RCN1: variants seen among roughly 807,000 people sequenced by gnomAD.
RCN1 encodes reticulocalbin 1.
In RCN1, 14 loss-of-function variants were observed where a neutral mutation model predicts 34.7. The ratio of observed to expected loss-of-function variants is 0.40; its 90% CI spans 0.27 to 0.63. RCN1 has a LOEUF of 0.63. RCN1 is among the 30% of genes least tolerant of loss of function. The probability of loss-of-function intolerance (pLI) is 0.37; values close to 1 mark genes in which losing one functional copy is unlikely to be tolerated. For missense variants in RCN1, 326 were observed against 425.1 expected (o/e 0.77, Z 2.05); for synonymous variants, 125 against 165.5 (o/e 0.76, Z 1.88).
chr11:32,101,491 T>G (rs1852042335), intron 4 of RCN1, among the ~76,000 whole-genome samples: 1 of 152,242 alleles, frequency 6.6e-6, no homozygotes, highest in South Asian at 2.1e-4. Context: ...TACCTTTAAA[T>G]GTAAAACTCA....
At chr11:32,104,209 A>G (rs72904117) in intron 5 of RCN1, among the ~76,000 whole-genome samples, 156 bp from the exon 6 acceptor site, 2,415 of 152,318 alleles carry the variant, frequency 0.016, 26 homozygotes, top group African/African-American at 0.026. Context: ...GAGTTTTGCA[A>G]TGCAGTCATG....
intron 1 of RCN1, among the ~76,000 whole-genome samples, chr11:32,094,716 C>T (rs1424660486): frequency 6.6e-6 from 1 of 152,204 alleles, no homozygotes; most frequent in Non-Finnish European, 1.5e-5. Flanking sequence ...CTCCTTTATT[C>T]CTCACAACAT....
chr11:32,091,378 A>T lies in RCN1; in HGVS notation c.182A>T (p.Glu61Val), dbSNP rs971634786. ...EDNQSFQYDH[E>V]AFLGKEDSKT... is the part of the protein sequence containing the mutation. ...AACCAGAGCTTCCAGTACGACCACG[A>T]GGCCTTCCTGGGCAAGGAGGACTCC... is the stretch of plus-strand genomic sequence containing the variant. The change falls in exon 1 of 6, where the codon GAG (glutamate) becomes GTG (valine). Residue 61 changes from glutamate to valine, a missense_variant. By Grantham distance (121) the Glu-to-Val change is moderately radical. Coordinates refer to ENST00000054950, the MANE Select transcript of RCN1 (RefSeq NM_002901.4). The T allele has an allele frequency of 4.5e-6, 7 of 1,549,344 alleles. No individual in the cohort carries two copies. The highest frequency in any genetic ancestry group is 6.1e-6 in the Non-Finnish European group (7 of 1,146,288).
intron 2 of RCN1, among the ~76,000 whole-genome samples, 163 bp downstream of exon 2, chr11:32,097,500 T>C (rs1439397947): frequency 6.6e-6 from 1 of 152,124 alleles, no homozygotes; most frequent in Non-Finnish European, 1.5e-5. Flanking sequence ...CAGAATGTAC[T>C]GAGTTGCTTA....
chr11:32,100,484 A>G, intron 3 of RCN1, 64 bp from the exon 4 acceptor site: 1 of 1,324,842 alleles, frequency 7.5e-7, no homozygotes, highest in East Asian at 2.3e-5. Flanking sequence ...TGAGGACAAT[A>G]GAATTCTCAG....
chr11:32,095,591 G>C (rs998047225), intron 1 of RCN1, among the ~76,000 whole-genome samples: 10 of 152,112 alleles, frequency 6.6e-5, no homozygotes, highest in Non-Finnish European at 1.3e-4. Flanking sequence ...TGTATTTTTA[G>C]TAGAGACGGG....
intron 1 of RCN1, among the ~76,000 whole-genome samples, chr11:32,095,214 G>A (rs1340067032): frequency 6.6e-6 from 1 of 151,540 alleles, no homozygotes; most frequent in Non-Finnish European, 1.5e-5. Context: ...GGGGGAAGAA[G>A]CCTGAAGACA....
intron 3 of RCN1, among the ~76,000 whole-genome samples, chr11:32,099,406 A>G (rs1313022912): frequency 6.6e-6 from 1 of 152,242 alleles, no homozygotes; most frequent in Non-Finnish European, 1.5e-5. Context: ...GGACTTGGAA[A>G]AAGACTCAGA....
rs1851997053 is a variant in RCN1, at chr11:32,098,390, C to G, written c.489C>G (p.Thr163=). Residue 163 remains threonine (T), a synonymous_variant, in exon 3 of 6, where the codon ACC becomes ACG. Transcript: ENST00000054950. ...TTCATGATTCTTCAGATCATCACAC[C>G]TTTAAAAAGATGCTGCCACGTGATG... The part of the protein sequence containing the change: ...AEFHDSSDHH[T]FKKMLPRDER... 1.9e-6 allele frequency: 3 copies of G among 1,613,740 alleles called. No homozygotes were observed. In the East Asian group the frequency reaches 6.7e-5, roughly 36 times the overall value.
chr11:32,092,869 G>T (rs1851937335), intron 1 of RCN1, among the ~76,000 whole-genome samples: 1 of 152,208 alleles, frequency 6.6e-6, no homozygotes, highest in South Asian at 2.1e-4. Flanking sequence ...TGTTTCATTG[G>T]AATATGAGGA....
chr11:32,099,377 C>T (rs1243080615), intron 3 of RCN1, among the ~76,000 whole-genome samples: 1 of 151,914 alleles, frequency 6.6e-6, no homozygotes, highest in Non-Finnish European at 1.5e-5. Context: ...TAGTCTCTGC[C>T]CCATTTTTCA....
intron 2 of RCN1, among the ~76,000 whole-genome samples, chr11:32,097,958 C>T (rs996429258): frequency 2.0e-5 from 3 of 152,168 alleles, no homozygotes; most frequent in Non-Finnish European, 4.4e-5. Flanking sequence ...GATGCACTCA[C>T]GCGGCCAGAA....
chr11:32,100,387 G>A (rs1012852922), intron 3 of RCN1, 161 bp from the exon 4 acceptor site: 9 of 628,520 alleles, frequency 1.4e-5, no homozygotes, highest in Admixed American at 5.3e-5. Flanking sequence ...ACTATTGCCT[G>A]TTTTTTACAG....
intron 2 of RCN1, 47 bp downstream of exon 2, chr11:32,097,384 A>C: frequency 7.3e-7 from 1 of 1,365,090 alleles, no homozygotes; most frequent in Non-Finnish European, 9.8e-7. Flanking sequence ...CCCAGATCAC[A>C]AGCTTTTTGT....
chr11:32,097,599 CAGATGCACACACGG>C (rs1252203973), intron 2 of RCN1, among the ~76,000 whole-genome samples: 1 of 152,158 alleles, frequency 6.6e-6, no homozygotes, highest in Non-Finnish European at 1.5e-5. Context: ...AACTTCGTCT[CAGATGCACACACGG>C]AGAAGAAAGC....
rs1851997668 is a variant in RCN1, at chr11:32,098,432, T to C, written c.531T>C (p.Ala177=). ...MLPRDERRFK[A]ADLNGDLTAT... ...CACGTGATGAGAGAAGATTCAAAGC[T>C]GCAGACCTCAATGGTGACCTGACAG... Residue 177 remains alanine, a synonymous_variant, in exon 3 of 6, where the codon GCT becomes GCC. Transcript: ENST00000054950. 4 of 1,614,130 alleles carry C rather than the reference T, an allele frequency of 2.5e-6. 1 individual carries two copies. In the East Asian group the frequency reaches 8.9e-5, roughly 36 times the overall value.
At chr11:32,098,303 C>G in intron 2 of RCN1, 47 bp from the exon 3 acceptor site, 1 of 1,544,242 alleles carries the variant, frequency 6.5e-7, no homozygotes, top group South Asian at 1.2e-5. Flanking sequence ...AAACGCCTTT[C>G]TTGACCGCAC....
In RCN1 at chr11:32,091,322, C is replaced by T. The variant is rs1016250873; in HGVS notation, c.126C>T (p.Asp42=). Residue 42 remains aspartate, a synonymous_variant, in exon 1 of 6, where the codon GAC becomes GAT. Transcript: ENST00000054950. ...TVRKERVVRP[D]SELGERPPED... is the part of the protein sequence containing the mutation. ...GCAAAGAGCGCGTGGTGCGGCCCGA[C>T]TCGGAGCTGGGCGAGCGGCCCCCTG... The T allele has an allele frequency of 1.9e-5, 30 of 1,547,890 alleles. No individual in the cohort carries two copies. Among genetic ancestry groups the T allele is most frequent in the Non-Finnish European group, 2.5e-5 (29 of 1,146,222 alleles).
chr11:32,096,766 A>G (rs758354911), intron 1 of RCN1: 9 of 177,474 alleles, frequency 5.1e-5, no homozygotes, highest in Non-Finnish European at 9.4e-5. Flanking sequence ...TTACTCCAAA[A>G]TGAGGGTGCT....
Sources: allele counts gnomAD v4.1 joint callset (sites outside exome capture counted in the v4.1 genomes callset), GRCh38; gene constraint gnomAD v4.1.1; transcripts MANE v1.5; gene names NCBI Gene and HGNC (gene_info 2026-07-23, HGNC 2026-07-21).